Variants in USF1 observed in about 807,000 individuals in gnomAD.
The protein encoded by USF1 is upstream transcription factor 1, also known as upstream stimulatory factor 1.
A neutral mutation model predicts 46.3 loss-of-function variants in USF1; 22 were observed. The ratio of observed to expected loss-of-function variants is 0.47; its 90% CI spans 0.34 to 0.68. USF1 has a LOEUF of 0.68. USF1 is among the 30% of genes least tolerant of loss of function. The pLI, the probability that USF1 is intolerant of heterozygous loss-of-function variation, is 0.01. For synonymous variants in USF1, 150 were observed against 147.0 expected (o/e 1.02, Z -0.15); for missense variants, 287 against 399.3 (o/e 0.72, Z 2.40).
chr1:161,043,425 T>G (rs1650656375), intron 1 of USF1, 65 bp from the exon 2 acceptor site: 1 of 1,275,038 alleles, frequency 7.8e-7, no homozygotes, highest in South Asian at 1.4e-5. Flanking sequence ...GTTCTAGAAC[T>G]TAGGTTCCAT....
Position 161,041,774 on chromosome 1 carries a change from T to A in USF1, c.349A>T (p.Thr117Ser), listed in dbSNP as rs1013785367. 3 of 1,614,060 alleles carry A rather than the reference T, an allele frequency of 1.9e-6. No homozygotes were observed. The highest frequency in any genetic ancestry group is 2.5e-6 in the Non-Finnish European group (3 of 1,179,982). The change falls in exon 6 of 11, where the codon ACT (threonine) becomes TCT (serine). Residue 117 changes from threonine (T) to serine (S), a missense_variant. Physicochemically the swap from Thr to Ser is moderately conservative, Grantham distance 58. Coordinates refer to ENST00000368021, the MANE Select transcript of USF1 (RefSeq NM_007122.5). ...TEGTAAETHY[T>S]YFPSTAVGDG... is the part of the protein sequence containing the mutation. ...CCCACTGCCGTGCTGGGGAAGTAAG[T>A]ATAGTGCGTCTCAGCAGCTGTCCCC...
At chr1:161,042,929 T>G (rs1239111509) in intron 2 of USF1, 47 bp from the exon 3 acceptor site, 1 of 1,613,602 alleles carries the variant, frequency 6.2e-7, no homozygotes, top group South Asian at 1.1e-5. Context: ...AAGAAGTCAA[T>G]GAGAAGCTCA....
At chr1:161,042,430 C>A in intron 4 of USF1, 125 bp downstream of exon 4, 1 of 1,133,216 alleles carries the variant, frequency 8.8e-7, no homozygotes, top group Non-Finnish European at 1.3e-6. Flanking sequence ...TTAGCACCTC[C>A]CTCCCCTGCA....
chr1:161,043,240 T>C, intron 2 of USF1, 28 bp downstream of exon 2: 1 of 1,614,170 alleles, frequency 6.2e-7, no homozygotes, highest in Non-Finnish European at 8.5e-7. Flanking sequence ...CCATCTTTCA[T>C]CCCAGACCCT....
chr1:161,045,853 C>G lies in USF1; in HGVS notation c.-86+5G>C, dbSNP rs996620940. 1 of 152,590 alleles carries G rather than the reference C, an allele frequency of 6.6e-6. No individual in the cohort carries two copies. The highest frequency in any genetic ancestry group is 1.5e-5 in the Non-Finnish European group (1 of 68,298). 9.5% of individuals were successfully genotyped at this position (152,590 alleles called of 1,614,324 possible). A position where few individuals can be genotyped will look rare whatever the true frequency, so the allele number is the denominator to read the frequency against. On this transcript the variant is annotated splice_donor_5th_base_variant and intron_variant, in intron 1 of 10. Coordinates refer to ENST00000368021, the MANE Select transcript of USF1 (RefSeq NM_007122.5). ...TTCCAGACTTCTGCCCGGTCCTACA[C>G]TCACCGGCCAAGGCCGTCTCAGCTG...
intron 1 of USF1, among the ~76,000 whole-genome samples, chr1:161,044,519 T>A (rs75089506): frequency 0.011 from 1,690 of 152,324 alleles, 32 homozygotes; most frequent in South Asian, 0.081. Context: ...CTGACAGGAC[T>A]CTTGTTTTGG....
intron 2 of USF1, 133 bp downstream of exon 2, chr1:161,043,135 C>A (rs1253438215): frequency 1.3e-6 from 2 of 1,514,362 alleles, no homozygotes; most frequent in Admixed American, 1.8e-5. Flanking sequence ...ATAGAGAAAC[C>A]AAATCACACA....
In USF1 at chr1:161,040,710, C is replaced by A; in HGVS notation, c.620-40G>T. 1.2e-6 allele frequency: 2 copies of A among 1,611,900 alleles called. No individual in the cohort carries two copies. The highest frequency in any genetic ancestry group is 1.7e-6 in the Non-Finnish European group (2 of 1,179,884). ...GGAGGACAAGGTGACTCAGTGAAAA[C>A]TCGCCACAAGTCCCAGGGTAAAATT... On this transcript the variant is annotated intron_variant, in intron 8 of 10. Coordinates refer to ENST00000368021, the MANE Select transcript of USF1 (RefSeq NM_007122.5). This position sits in a 1 kb window ranked among gnomAD's most constrained non-coding sequence, Gnocchi z 4.0.
chr1:161,042,741 C>G, intron 3 of USF1, 71 bp from the exon 4 acceptor site: 1 of 1,611,748 alleles, frequency 6.2e-7, no homozygotes, highest in Non-Finnish European at 8.5e-7. Context: ...TTGCATGTCA[C>G]GGAAGGAGGA....
chr1:161,040,684 T>G lies in USF1; in HGVS notation c.620-14A>C. ...GGCGACGCTCCACTGTGGGGCAAAG[T>G]GGAGGACAAGGTGACTCAGTGAAAA... On this transcript the variant is annotated splice_polypyrimidine_tract_variant and intron_variant, in intron 8 of 10. Coordinates refer to ENST00000368021, the MANE Select transcript of USF1 (RefSeq NM_007122.5). The surrounding 1 kb of genome is among the most constrained non-coding windows in gnomAD (Gnocchi z 4.0). 1 of 1,611,032 alleles carries G rather than the reference T, an allele frequency of 6.2e-7. No individual in the cohort carries two copies. Among genetic ancestry groups the G allele is most frequent in the Non-Finnish European group, 8.5e-7 (1 of 1,179,862 alleles).
At position 161,039,766 on chromosome 1, in the gene USF1, G is replaced by A. The variant is rs563337826; in HGVS notation, c.*154C>T. ...TGTGTGTTTCACACCACTGCAGGCC[G>A]CCATATCACAGGGCCTCAGTTCAAG... On this transcript the variant is annotated 3_prime_UTR_variant, in exon 11 of 11. Transcript: ENST00000368021. 1.5e-4 allele frequency: 107 copies of A among 731,922 alleles called. 1 individual carries two copies. In the African/African-American group the frequency reaches 1.6e-3, roughly 11 times the overall value. 45.3% of individuals were successfully genotyped at this position (731,922 alleles called of 1,614,324 possible).
At chr1:161,044,191 C>T (rs1425799917) in intron 1 of USF1, among the ~76,000 whole-genome samples, 1 of 152,136 alleles carries the variant, frequency 6.6e-6, no homozygotes, top group East Asian at 1.9e-4. Flanking sequence ...GATCCGCCTG[C>T]CTCGGCCTCC....
At chr1:161,042,067 C>T (rs748264800) in intron 5 of USF1, 49 bp downstream of exon 5, 14 of 1,558,744 alleles carry the variant, frequency 9.0e-6, no homozygotes, top group Non-Finnish European at 1.2e-5. Context: ...TTCCCTTCTT[C>T]ATCTTACTTC....
In USF1 at chr1:161,039,763, G is replaced by A; in HGVS notation, c.*157C>T. The A allele has an allele frequency of 1.4e-6, 1 of 717,070 alleles. No homozygotes were observed. Among genetic ancestry groups the A allele is most frequent in the Non-Finnish European group, 2.3e-6 (1 of 435,438 alleles). The allele number at this position is 717,070 out of a possible 1,614,324, so 44.4% of individuals were successfully genotyped here. ...CATTGTGTGTTTCACACCACTGCAGGCCGCCATATCACAGGGCCTCAGTTC... is the reference window on the plus strand; with the variant it reads ...CATTGTGTGTTTCACACCACTGCAGACCGCCATATCACAGGGCCTCAGTTC... On this transcript the variant is annotated 3_prime_UTR_variant, in exon 11 of 11. Transcript: ENST00000368021.
rs1291497216 is a variant in USF1 at position 161,041,750 on chromosome 1, C to T, written c.373G>A (p.Gly125Arg). ...HYTYFPSTAV[G>R]DGAGGTTSGS... ...GATGTGGTACCCCCTGCCCCATCTCCCACTGCCGTGCTGGGGAAGTAAGTA... is the reference window on the plus strand; with the variant it reads ...GATGTGGTACCCCCTGCCCCATCTCTCACTGCCGTGCTGGGGAAGTAAGTA... Residue 125 changes from glycine (G) to arginine (R), a missense_variant, in exon 6 of 11, where the codon GGA (glycine) becomes AGA (arginine). Gly to Arg is a moderately radical substitution (Grantham distance 125). Coordinates refer to ENST00000368021, the MANE Select transcript of USF1 (RefSeq NM_007122.5). The T allele has an allele frequency of 1.2e-6, 2 of 1,613,982 alleles. No individual in the cohort carries two copies. Among genetic ancestry groups the T allele is most frequent in the Non-Finnish European group, 1.7e-6 (2 of 1,180,010 alleles).
Position 161,039,972 on chromosome 1 carries a change from G to C in USF1, c.881C>G (p.Ala294Gly). 6.2e-7 allele frequency: 1 copy of C among 1,614,186 alleles called. No homozygotes were observed. The highest frequency in any genetic ancestry group is 8.5e-7 in the Non-Finnish European group (1 of 1,180,038). The change falls in exon 11 of 11, where the codon GCT (alanine) becomes GGT (glycine). Residue 294 changes from alanine (A) to glycine (G), a missense_variant. Transcript: ENST00000368021. ...CTCTAATCCGTGGTGCCGCAACTGAGCTCGAAGCAGCAGATTCTTGTTTTT... is the reference window on the plus strand; with the variant it reads ...CTCTAATCCGTGGTGCCGCAACTGACCTCGAAGCAGCAGATTCTTGTTTTT... ...DLKNKNLLLR[A>G]QLRHHGLEVV...
In USF1 at chr1:161,040,791, A is replaced by T. The variant is rs757054727; in HGVS notation, c.619+23T>A. ...GCTGAGATCACACCAGACAGCTTCTAGCTCCACCCAGATCATACCTACCTT... is the reference window on the plus strand; with the variant it reads ...GCTGAGATCACACCAGACAGCTTCTTGCTCCACCCAGATCATACCTACCTT... On this transcript the variant is annotated intron_variant, in intron 8 of 10. Transcript: ENST00000368021. The surrounding 1 kb of genome is among the most constrained non-coding windows in gnomAD (Gnocchi z 4.0). 2 of 1,614,000 alleles carry T rather than the reference A, an allele frequency of 1.2e-6. No individual in the cohort carries two copies. Among genetic ancestry groups the T allele is most frequent in the Non-Finnish European group, 1.7e-6 (2 of 1,179,980 alleles).
chr1:161,039,856 GGATT>G lies in USF1; in HGVS notation c.*60_*63del. On this transcript the variant is annotated 3_prime_UTR_variant, in exon 11 of 11. Coordinates refer to ENST00000368021, the MANE Select transcript of USF1 (RefSeq NM_007122.5). ...TGGGGCAGTGAAGGAAAGGGGCACG[GGATT>G]AGGCTGTTGCTCCTGGGCTATCTGC... 6.4e-7 allele frequency: 1 copy of G among 1,558,572 alleles called. No individual in the cohort carries two copies. Among genetic ancestry groups the G allele is most frequent in the South Asian group, 1.1e-5 (1 of 89,418 alleles).
Position 161,043,251 on chromosome 1 carries a change from A to AC in USF1, c.8+16dup, listed in dbSNP as rs1557907282. 1.2e-6 allele frequency: 2 copies of AC among 1,613,908 alleles called. No individual in the cohort carries two copies. Among genetic ancestry groups the AC allele is most frequent in the Non-Finnish European group, 1.7e-6 (2 of 1,179,960 alleles). On this transcript the variant is annotated intron_variant, in intron 2 of 10. Coordinates refer to ENST00000368021, the MANE Select transcript of USF1 (RefSeq NM_007122.5). ...CCACCCATCTTTCATCCCAGACCCT[A>AC]CCTCTTCTTCACTCACCCCTTCATC...
Sources: allele counts gnomAD v4.1 joint callset (sites outside exome capture counted in the v4.1 genomes callset), GRCh38; gene constraint gnomAD v4.1.1; non-coding constraint Gnocchi (gnomAD v3.1); transcripts MANE v1.5; gene names NCBI Gene and HGNC (gene_info 2026-07-23, HGNC 2026-07-21).